The following DPYS variants were observed in gnomAD, a reference collection of about 807,000 sequenced individuals.
DPYS encodes the protein dihydropyrimidine amidohydrolase.
Under a neutral mutation model 50.3 loss-of-function variants are expected in DPYS, and 39 were observed. That is an observed-to-expected ratio of 0.78 (90% confidence interval 0.60 to 1.01). The LOEUF is 1.01. Among genes scored for constraint, DPYS ranks in the 50% least tolerant of loss-of-function variants. The pLI is 0.00. For missense variants in DPYS, 659 were observed against 680.9 expected, an observed-to-expected ratio of 0.97 and a Z score of 0.36; for synonymous variants, 245 against 250.7, an observed-to-expected ratio of 0.98 and a Z score of 0.22.
intron 7 of DPYS, among the ~76,000 whole-genome samples, chr8:104,397,071 C>G (rs1451099345): frequency 6.6e-6 from 1 of 152,166 alleles, no homozygotes; most frequent in Non-Finnish European, 1.5e-5. Flanking sequence ...CCAGCTGAAG[C>G]TGTAATTCTC....
chr8:104,399,310 ACAAC>A lies in DPYS; in HGVS notation c.1236-6323_1236-6320del, dbSNP rs1162965373. 3.4e-3 allele frequency among the ~76,000 whole-genome samples: 138 copies of A among 40,334 alleles called. 28 individuals carry two copies. Among genetic ancestry groups the A allele is most frequent in the Middle Eastern group, 0.018 (1 of 56 alleles). 26.5% of individuals were successfully genotyped at this position (40,334 alleles called of 152,430 possible). A position where few individuals can be genotyped will look rare whatever the true frequency, so the allele number is the denominator to read the frequency against. ...CATCTCAAAAAAAAAAAAAAAAAAA[ACAAC>A]AACAAAAAAAAACCAAGAAAACCCA... On this transcript the variant is annotated intron_variant, in intron 7 of 9. Coordinates refer to ENST00000351513, the MANE Select transcript of DPYS (RefSeq NM_001385.3).
rs186037736 is a variant in DPYS, at chr8:104,397,498, A to C, written c.1236-4507T>G. On this transcript the variant is annotated intron_variant, in intron 7 of 9. Transcript: ENST00000351513. ...TGTTTTGGGAACAGAACACTGAAGT[A>C]AATGAGAGGTAAACATCCAGCCCAT... Among the ~76,000 whole-genome samples, 109 of 152,338 alleles carry C rather than the reference A, an allele frequency of 7.2e-4. 3 individuals are homozygous for C. In the East Asian group the frequency reaches 0.018, roughly 25 times the overall value.
chr8:104,397,849 C>A (rs1194868811), intron 7 of DPYS, among the ~76,000 whole-genome samples: 1 of 152,022 alleles, frequency 6.6e-6, no homozygotes, highest in African/African-American at 2.4e-5. Flanking sequence ...TATTTGTAAC[C>A]CTGCCATCAG....
At chr8:104,464,390 C>A (rs1361211085) in intron 1 of DPYS, among the ~76,000 whole-genome samples, 1 of 152,224 alleles carries the variant, frequency 6.6e-6, no homozygotes, top group South Asian at 2.1e-4. Flanking sequence ...GCCCCTCCCC[C>A]ACAGCATTCC....
chr8:104,454,062 T>C (rs886717024), intron 1 of DPYS, among the ~76,000 whole-genome samples: 1 of 152,124 alleles, frequency 6.6e-6, no homozygotes, highest in African/African-American at 2.4e-5. Flanking sequence ...AGGTGATAGC[T>C]AAAGGGTATG....
intron 8 of DPYS, among the ~76,000 whole-genome samples, chr8:104,384,995 C>T (rs1383742465): frequency 6.6e-6 from 1 of 152,182 alleles, no homozygotes; most frequent in Non-Finnish European, 1.5e-5. Context: ...AGCCCCCTTT[C>T]TTCTCTAATA....
chr8:104,392,701 A>G, intron 8 of DPYS, 83 bp downstream of exon 8: 2 of 1,533,244 alleles, frequency 1.3e-6, no homozygotes, highest in South Asian at 2.3e-5. Flanking sequence ...TGTCAACACC[A>G]CTACTACCAA....
At position 104,431,277 on chromosome 8, in the gene DPYS, G is replaced by C. The variant is rs188352209; in HGVS notation, c.794-1576C>G. ...TAACAGCACTCAGGAAAAATTAAAA[G>C]TGTCAGCATCTACCGGGAGTCTGCC... On this transcript the variant is annotated intron_variant, in intron 4 of 9. Coordinates refer to ENST00000351513, the MANE Select transcript of DPYS (RefSeq NM_001385.3). 1.5e-3 allele frequency among the ~76,000 whole-genome samples: 232 copies of C among 152,174 alleles called. 1 individual carries two copies. The highest frequency in any genetic ancestry group is 4.6e-3 in the East Asian group (24 of 5,168).
At chr8:104,456,560 C>T (rs1374168887) in intron 1 of DPYS, among the ~76,000 whole-genome samples, 3 of 152,180 alleles carry the variant, frequency 2.0e-5, no homozygotes, top group South Asian at 2.1e-4. Context: ...CTCTCCTCAA[C>T]CCCAGACTGG....
intron 2 of DPYS, among the ~76,000 whole-genome samples, chr8:104,448,203 T>A (rs1813609580): frequency 6.6e-6 from 1 of 151,190 alleles, no homozygotes; most frequent in Admixed American, 6.6e-5. Flanking sequence ...TTGCCCAGGC[T>A]GGAGTGCAGT....
intron 1 of DPYS, among the ~76,000 whole-genome samples, chr8:104,461,353 A>T (rs1814160683): frequency 7.0e-6 from 1 of 142,756 alleles, no homozygotes; most frequent in East Asian, 2.0e-4. Flanking sequence ...GTCATTATCC[A>T]TCATCGACAA....
intron 7 of DPYS, among the ~76,000 whole-genome samples, chr8:104,417,527 A>C (rs1812407351): frequency 6.6e-6 from 1 of 152,218 alleles, no homozygotes; most frequent in Non-Finnish European, 1.5e-5. Context: ...TCTAAGTACC[A>C]AGATCTTCTA....
chr8:104,419,029 GC>G (rs1812465466), intron 7 of DPYS: 39 of 985,282 alleles, frequency 4.0e-5, no homozygotes, highest in Non-Finnish European at 4.5e-5. Context: ...TAAGAGCTCT[GC>G]TTAACAAACT....
At chr8:104,429,951 C>T (rs1001017723) in intron 4 of DPYS, among the ~76,000 whole-genome samples, 3 of 151,988 alleles carry the variant, frequency 2.0e-5, no homozygotes, top group African/African-American at 7.2e-5. Flanking sequence ...GCCATATAAC[C>T]TAGAAAAAGC....
intron 7 of DPYS, among the ~76,000 whole-genome samples, chr8:104,396,282 T>G (rs1811581979): frequency 6.6e-6 from 1 of 152,212 alleles, no homozygotes; most frequent in African/African-American, 2.4e-5. Flanking sequence ...TTTGGACTGA[T>G]GCATTAGTAA....
rs530392924 is a variant in DPYS, at chr8:104,413,977, A to T, written c.1235+10270T>A. Among the ~76,000 whole-genome samples the T allele has an allele frequency of 2.6e-5, 4 of 152,306 alleles. No homozygotes were observed. The South Asian group carries it at 8.3e-4, about 32-fold the overall frequency. On this transcript the variant is annotated intron_variant, in intron 7 of 9. Coordinates refer to ENST00000351513, the MANE Select transcript of DPYS (RefSeq NM_001385.3). ...TCTGGTGAAGAACCTGGGAATCCAT[A>T]TCTGGTGATGGGAAGGCTTACTGGG...
chr8:104,392,722 C>A (rs1309732299), intron 8 of DPYS, 62 bp downstream of exon 8: 1 of 1,598,224 alleles, frequency 6.3e-7, no homozygotes. Context: ...CAATAACCAG[C>A]CAGACATCCA....
At chr8:104,461,339 T>TAAAATA (rs1392004924) in intron 1 of DPYS, among the ~76,000 whole-genome samples, 1 of 151,392 alleles carries the variant, frequency 6.6e-6, no homozygotes, top group Non-Finnish European at 1.5e-5. Flanking sequence ...TAAAATAAAA[T>TAAAATA]AATGTCATTA....
chr8:104,448,716 A>C (rs1306015845), intron 2 of DPYS, among the ~76,000 whole-genome samples: 1 of 152,210 alleles, frequency 6.6e-6, no homozygotes, highest in Admixed American at 6.5e-5. Context: ...TGGAGTAATA[A>C]ATGACTAAAA....
Sources: gnomAD v4.1 joint callset for allele counts (sites outside exome capture counted in the v4.1 genomes callset) on GRCh38, gnomAD v4.1.1 for gene constraint, MANE v1.5 for transcripts, NCBI Gene and HGNC (gene_info 2026-07-23, HGNC 2026-07-21) for gene names.